TRPC4: variants seen among roughly 807,000 people sequenced by gnomAD.
The protein encoded by TRPC4 is short transient receptor potential channel 4.
A neutral mutation model predicts 99.4 loss-of-function variants in TRPC4; 49 were observed. That is an observed-to-expected ratio of 0.49 (90% CI 0.39 to 0.63). The LOEUF (loss-of-function observed/expected upper bound fraction) is 0.63. Among genes scored for constraint, TRPC4 ranks in the 20% least tolerant of loss-of-function variants. The pLI is 0.00. For missense variants in TRPC4, 898 were observed against 1,152.9 expected, an observed-to-expected ratio of 0.78 and a Z score of 3.20; for synonymous variants, 454 against 425.9, an observed-to-expected ratio of 1.07 and a Z score of -0.81.
intron 1 of TRPC4, among the ~76,000 whole-genome samples, chr13:37,838,302 T>C (rs1958625876): frequency 6.6e-6 from 1 of 152,182 alleles, no homozygotes. Flanking sequence ...GGGAACTTAT[T>C]AGGAATGCAA....
chr13:37,835,973 G>A (rs754067291), intron 1 of TRPC4, among the ~76,000 whole-genome samples: 1 of 152,122 alleles, frequency 6.6e-6, no homozygotes, highest in Non-Finnish European at 1.5e-5. Context: ...ATTGTGGGAG[G>A]GTCCCAGTGG....
chr13:37,697,056 C>T (rs573958651), intron 3 of TRPC4, among the ~76,000 whole-genome samples: 53 of 152,114 alleles, frequency 3.5e-4, no homozygotes, highest in Non-Finnish European at 7.2e-4. Flanking sequence ...CTTCTGGCCC[C>T]TCTGAGCATA....
chr13:37,869,464 C>G (rs1266867287), intron 1 of TRPC4, 131 bp downstream of exon 1: 2 of 152,264 alleles, frequency 1.3e-5, no homozygotes, highest in East Asian at 3.9e-4. Flanking sequence ...GAACTCCTAA[C>G]CCCGCAGGGA....
intron 4 of TRPC4, 25 bp from the exon 5 acceptor site, chr13:37,674,392 T>C (rs773536064): frequency 3.1e-6 from 5 of 1,592,416 alleles, no homozygotes; most frequent in Non-Finnish European, 3.4e-6. Flanking sequence ...AGATTCATTG[T>C]AAGTATGATT....
At chr13:37,721,314 C>T (rs1954860784) in intron 3 of TRPC4, among the ~76,000 whole-genome samples, 1 of 152,076 alleles carries the variant, frequency 6.6e-6, no homozygotes, top group Admixed American at 6.5e-5. Context: ...TTTCAAAACA[C>T]TTGTCCAGTA....
intron 8 of TRPC4, among the ~76,000 whole-genome samples, chr13:37,645,250 G>A (rs191106980): frequency 6.6e-6 from 1 of 152,242 alleles, no homozygotes; most frequent in East Asian, 1.9e-4. Context: ...TCATGTTAAA[G>A]AGAAAGACCA....
intron 2 of TRPC4, among the ~76,000 whole-genome samples, chr13:37,776,512 T>C (rs903999299): frequency 6.6e-5 from 10 of 151,812 alleles, no homozygotes; most frequent in Non-Finnish European, 1.2e-4. Flanking sequence ...TACACATATA[T>C]TGAGGCTCAC....
In TRPC4 at chr13:37,842,372, G is replaced by GAAAAAAAAAAAA. The variant is rs1566216069; in HGVS notation, c.-28+27222_-28+27223insTTTTTTTTTTTT. 8.3e-5 allele frequency among the ~76,000 whole-genome samples: 6 copies of GAAAAAAAAAAAA among 72,086 alleles called. 1 individual carries two copies. The highest frequency in any genetic ancestry group is 1.6e-4 in the African/African-American group (3 of 18,876). 47.3% of individuals were successfully genotyped at this position (72,086 alleles called of 152,430 possible). A position where few individuals can be genotyped will look rare whatever the true frequency, so the allele number is the denominator to read the frequency against. ...AAAAAAAAAAAAAAAAAAAAAAAAG[G>GAAAAAAAAAAAA]AAAAGGAAAAGTATAAATCGGGGGC... On this transcript the variant is annotated intron_variant, in intron 1 of 10. Coordinates refer to ENST00000379705, the MANE Select transcript of TRPC4 (RefSeq NM_016179.4).
At chr13:37,818,580 A>T (rs996919222) in intron 1 of TRPC4, among the ~76,000 whole-genome samples, 1 of 152,202 alleles carries the variant, frequency 6.6e-6, no homozygotes. Flanking sequence ...GACTGGATAA[A>T]GAAAATATGG....
chr13:37,726,657 A>G (rs1387004281), intron 3 of TRPC4, among the ~76,000 whole-genome samples: 1 of 152,162 alleles, frequency 6.6e-6, no homozygotes. Context: ...CTCAACGGAC[A>G]GGAATTGACG....
chr13:37,812,654 A>G (rs756538934), intron 1 of TRPC4, among the ~76,000 whole-genome samples: 3 of 152,090 alleles, frequency 2.0e-5, no homozygotes, highest in Non-Finnish European at 2.9e-5. Context: ...ACCCTAATAT[A>G]TATTTAATTA....
At chr13:37,736,014 A>G (rs1001331960) in intron 3 of TRPC4, among the ~76,000 whole-genome samples, 1 of 152,200 alleles carries the variant, frequency 6.6e-6, no homozygotes, top group Non-Finnish European at 1.5e-5. Flanking sequence ...AAACACTTTC[A>G]GTTAGGAATT....
At chr13:37,642,281 GAC>G (rs1264946490) in intron 8 of TRPC4, among the ~76,000 whole-genome samples, 1 of 152,150 alleles carries the variant, frequency 6.6e-6, no homozygotes, top group African/African-American at 2.4e-5. Flanking sequence ...ACCCTAATGA[GAC>G]AGCCATATGT....
chr13:37,759,019 G>A (rs1956161438), intron 2 of TRPC4, among the ~76,000 whole-genome samples: 1 of 151,000 alleles, frequency 6.6e-6, no homozygotes, highest in Non-Finnish European at 1.5e-5. Flanking sequence ...TTGATATGAA[G>A]GAATATATAT....
intron 2 of TRPC4, among the ~76,000 whole-genome samples, chr13:37,782,329 C>G (rs1831800): frequency 6.6e-6 from 1 of 152,078 alleles, no homozygotes; most frequent in Non-Finnish European, 1.5e-5. Context: ...TCTGTTGATA[C>G]CTATAAGGTA....
intron 8 of TRPC4, among the ~76,000 whole-genome samples, chr13:37,649,619 A>G (rs1951956730): frequency 6.6e-6 from 1 of 151,384 alleles, no homozygotes. Context: ...CTGTAGTCCC[A>G]GCTACTCGGG....
chr13:37,851,816 G>T (rs1281615528), intron 1 of TRPC4, among the ~76,000 whole-genome samples: 1 of 152,182 alleles, frequency 6.6e-6, no homozygotes, highest in African/African-American at 2.4e-5. Flanking sequence ...AGGAAAGTCT[G>T]TGCACTTGGA....
intron 2 of TRPC4, among the ~76,000 whole-genome samples, chr13:37,760,846 G>T (rs1488805296): frequency 6.6e-6 from 1 of 151,936 alleles, no homozygotes; most frequent in Admixed American, 6.6e-5. Flanking sequence ...GATGCATCCA[G>T]TATAAATAAT....
chr13:37,842,342 C>CTAAA (rs1566215865), intron 1 of TRPC4, among the ~76,000 whole-genome samples: 14 of 47,848 alleles, frequency 2.9e-4, no homozygotes, highest in Middle Eastern at 0.017. Context: ...TAGCGTCTAG[C>CTAAA]CAAAAAAAAA....
Sources: allele counts gnomAD v4.1 joint callset (sites outside exome capture counted in the v4.1 genomes callset), GRCh38; gene constraint gnomAD v4.1.1; transcripts MANE v1.5; gene names NCBI Gene and HGNC (gene_info 2026-07-23, HGNC 2026-07-21).